SLC7A7: variants seen among roughly 807,000 people sequenced by gnomAD.
The protein encoded by SLC7A7 is Y+L amino acid transporter 1.
In SLC7A7, 39 loss-of-function variants were observed where a neutral mutation model predicts 47.9. The ratio of observed to expected loss-of-function variants is 0.81; its 90% CI spans 0.63 to 1.06. The LOEUF (loss-of-function observed/expected upper bound fraction) is 1.06. Ranked by LOEUF, SLC7A7 falls within the 50% of genes least tolerant of loss-of-function variation. The pLI is 0.00. For synonymous variants in SLC7A7, 234 were observed against 242.8 expected (o/e 0.96, Z 0.34); for missense variants, 588 against 632.0 (o/e 0.93, Z 0.75).
Position 22,813,198 on chromosome 14 carries a change from G to A in SLC7A7, c.201C>T (p.Ala67=). The stretch of plus-strand genomic sequence containing the variant: ...AGATGACCAGAGAGAGACCAAAGGA[G>A]GCACTGTATATGAGCACACCCTTGG... ...VSPKGVLIYS[A]SFGLSLVIWA... The change falls in exon 2 of 10, where the codon GCC becomes GCT. Residue 67 remains alanine, a synonymous_variant. Transcript: ENST00000674313. 1 of 1,614,204 alleles carries A rather than the reference G, an allele frequency of 6.2e-7. No homozygotes were observed. The highest frequency in any genetic ancestry group is 8.5e-7 in the Non-Finnish European group (1 of 1,180,030).
chr14:22,795,599 C>T (rs888890403), intron 2 of SLC7A7, among the ~76,000 whole-genome samples: 35 of 151,768 alleles, frequency 2.3e-4, no homozygotes, highest in Non-Finnish European at 4.1e-4. Context: ...CTCAGCCTCC[C>T]GAGTAGCTGG....
intron 2 of SLC7A7, among the ~76,000 whole-genome samples, chr14:22,811,006 C>G (rs1367262262): frequency 2.6e-5 from 4 of 152,210 alleles, no homozygotes; most frequent in African/African-American, 4.8e-5. Flanking sequence ...GTGAAAACCC[C>G]CTTCTTGCAA....
chr14:22,807,054 T>C (rs1003420071), intron 2 of SLC7A7, among the ~76,000 whole-genome samples: 2 of 152,074 alleles, frequency 1.3e-5, no homozygotes, highest in African/African-American at 4.8e-5. Flanking sequence ...CCTGCCACCA[T>C]GCCCGGCTAA....
chr14:22,797,709 T>C (rs1406461115), intron 2 of SLC7A7, among the ~76,000 whole-genome samples: 1 of 152,102 alleles, frequency 6.6e-6, no homozygotes, highest in African/African-American at 2.4e-5. Flanking sequence ...AAAACGTTAT[T>C]ACCCTGACAA....
intron 2 of SLC7A7, among the ~76,000 whole-genome samples, chr14:22,798,332 G>C (rs2039053442): frequency 6.6e-6 from 1 of 151,932 alleles, no homozygotes; most frequent in Admixed American, 6.6e-5. Context: ...AGGAGGAAAA[G>C]GAGAAGGAGA....
Position 22,774,405 on chromosome 14 carries a change from C to T in SLC7A7, c.1194G>A (p.Val398=). ...CCTTCCAGCGCAGATAAAGCTGACC[C>T]ACAATAGAAAGCCCCACAAAGAACC... The part of the protein sequence containing the change: ...SYWFFVGLSI[V]GQLYLRWKEP... The change falls in exon 8 of 10, where the codon GTG becomes GTA. Residue 398 remains valine (V), a synonymous_variant. Transcript: ENST00000674313. 1.2e-6 allele frequency: 2 copies of T among 1,614,110 alleles called. No homozygotes were observed. The highest frequency in any genetic ancestry group is 1.7e-6 in the Non-Finnish European group (2 of 1,180,020).
At chr14:22,800,676 C>T (rs941397547) in intron 2 of SLC7A7, among the ~76,000 whole-genome samples, 7 of 99,468 alleles carry the variant, frequency 7.0e-5, no homozygotes, top group African/African-American at 1.6e-4. Flanking sequence ...GGCTCACACC[C>T]GTAATCCTAA....
At chr14:22,796,119 C>T (rs954617645) in intron 2 of SLC7A7, among the ~76,000 whole-genome samples, 2 of 152,160 alleles carry the variant, frequency 1.3e-5, no homozygotes, top group African/African-American at 4.8e-5. Flanking sequence ...CCTCCACCCT[C>T]AGATGGCTCT....
Position 22,802,404 on chromosome 14 carries a change from AAAC to A in SLC7A7, c.499+10493_499+10495del, listed in dbSNP as rs748204303. Among the ~76,000 whole-genome samples the A allele has an allele frequency of 2.5e-4, 36 of 145,774 alleles. No homozygotes were observed. In the East Asian group the frequency reaches 5.9e-3, roughly 24 times the overall value. ...GGCGACAGAGCAAGACTCTGTCTCA[AAAC>A]AACAACAACAACAACCAAACAAACA... On this transcript the variant is annotated intron_variant, in intron 2 of 9. Coordinates refer to ENST00000674313, the MANE Select transcript of SLC7A7 (RefSeq NM_003982.4).
intron 2 of SLC7A7, among the ~76,000 whole-genome samples, chr14:22,801,094 A>G (rs1361859566): frequency 2.6e-5 from 4 of 152,178 alleles, no homozygotes; most frequent in African/African-American, 4.8e-5. Flanking sequence ...GAAATCATAA[A>G]AAAAATGACT....
In SLC7A7 at chr14:22,813,789, AT is replaced by A. The variant is rs34654418; in HGVS notation, c.-42-350del. Among the ~76,000 whole-genome samples, 281 of 96,278 alleles carry A rather than the reference AT, an allele frequency of 2.9e-3. 3 individuals are homozygous for A. The highest frequency in any genetic ancestry group is 9.1e-3 in the African/African-American group (216 of 23,760). 63.2% of individuals were successfully genotyped at this position (96,278 alleles called of 152,430 possible). Reference sequence around the variant, plus strand: ...AGGCACCTGCCACCACGCGTGGCTAATTTTTTTTTTTTTTTTTTGAGATGGA... The same window carrying A: ...AGGCACCTGCCACCACGCGTGGCTAATTTTTTTTTTTTTTTTTGAGATGGA... On this transcript the variant is annotated intron_variant, in intron 1 of 9. Coordinates refer to ENST00000674313, the MANE Select transcript of SLC7A7 (RefSeq NM_003982.4).
chr14:22,798,781 G>C (rs965220421), intron 2 of SLC7A7, among the ~76,000 whole-genome samples: 2 of 152,082 alleles, frequency 1.3e-5, no homozygotes, highest in Non-Finnish European at 2.9e-5. Context: ...TTGACCCTCT[G>C]AGTTGCCAAT....
At chr14:22,819,266 G>C (rs1312981110), upstream of SLC7A7, among the ~76,000 whole-genome samples, 1 of 152,048 alleles carries the variant, frequency 6.6e-6, no homozygotes, top group Non-Finnish European at 1.5e-5. Context: ...AGTCTGTGCT[G>C]CCTCCCCTAA....
At chr14:22,802,431 C>A (rs566749378) in intron 2 of SLC7A7, among the ~76,000 whole-genome samples, 11,538 of 68,494 alleles carry the variant, frequency 0.17, 529 homozygotes, top group South Asian at 0.24. Flanking sequence ...ACCAAACAAA[C>A]AAACAAAAAA....
At chr14:22,788,628 C>T (rs1386858932) in intron 2 of SLC7A7, among the ~76,000 whole-genome samples, 5 of 150,830 alleles carry the variant, frequency 3.3e-5, no homozygotes, top group African/African-American at 1.2e-4. Context: ...CGCTTGAACC[C>T]GGGAGGTGGA....
At chr14:22,818,496 C>T (rs1316000936), upstream of SLC7A7, among the ~76,000 whole-genome samples, 3 of 152,060 alleles carry the variant, frequency 2.0e-5, no homozygotes, top group East Asian at 3.9e-4. Context: ...ATGCTTCCAC[C>T]ATTCAGGCAG....
chr14:22,791,484 A>G (rs979245902), intron 2 of SLC7A7, among the ~76,000 whole-genome samples: 4 of 152,176 alleles, frequency 2.6e-5, no homozygotes, highest in African/African-American at 7.2e-5. Context: ...CACAGCAATT[A>G]GCAGAAGGAT....
intron 2 of SLC7A7, among the ~76,000 whole-genome samples, chr14:22,792,377 G>A (rs768221563): frequency 9.2e-5 from 14 of 151,834 alleles, no homozygotes; most frequent in Non-Finnish European, 1.0e-4. Context: ...AGCCTGGGCA[G>A]CATAGCAAGA....
intron 2 of SLC7A7, among the ~76,000 whole-genome samples, chr14:22,811,844 CAAAAAAAAAAA>C (rs57356836): frequency 1.8e-4 from 22 of 125,182 alleles, no homozygotes; most frequent in African/African-American, 6.5e-4. Flanking sequence ...GACTCTATCT[CAAAAAAAAAAA>C]AAAAAAAAAA....
Sources: allele counts gnomAD v4.1 joint callset (sites outside exome capture counted in the v4.1 genomes callset), GRCh38; gene constraint gnomAD v4.1.1; transcripts MANE v1.5; gene names NCBI Gene and HGNC (gene_info 2026-07-23, HGNC 2026-07-21).